Variants in USP16 observed in about 807,000 individuals in gnomAD.
USP16 encodes ubiquitin carboxyl-terminal hydrolase 16.
Under a neutral mutation model 95.9 loss-of-function variants are expected in USP16, and 77 were observed. The ratio of observed to expected loss-of-function variants is 0.80; its 90% confidence interval spans 0.67 to 0.97. The LOEUF is 0.97. Among genes scored for constraint, USP16 ranks in the 50% least tolerant of loss-of-function variants. The pLI, the probability that USP16 is intolerant of heterozygous loss-of-function variation, is 0.00. For synonymous variants in USP16, 303 were observed against 318.2 expected, an observed-to-expected ratio of 0.95 and a Z score of 0.51; for missense variants, 943 against 959.9, an observed-to-expected ratio of 0.98 and a Z score of 0.23.
At chr21:29,026,997 T>TA (rs2085002956) in intron 1 of USP16, among the ~76,000 whole-genome samples, 1 of 152,120 alleles carries the variant, frequency 6.6e-6, no homozygotes, top group South Asian at 2.1e-4. Flanking sequence ...AGTGATATGA[T>TA]AAAAATGGCA....
chr21:29,043,625 T>C lies in USP16; in HGVS notation c.1356+26T>C, dbSNP rs781140970. 96 of 1,486,530 alleles carry C rather than the reference T, an allele frequency of 6.5e-5. 5 individuals carry two copies. In the South Asian group the frequency reaches 1.4e-3, roughly 21 times the overall value. 92.1% of individuals were successfully genotyped at this position (1,486,530 alleles called of 1,614,324 possible). On this transcript the variant is annotated intron_variant, in intron 13 of 17. Transcript: ENST00000399976. ...GTGGGTAATTAGGAGGAAAATCATA[T>C]GCTTGTAATTTTATATTTTGAGCTA...
chr21:29,032,004 T>C (rs941674201), intron 3 of USP16, among the ~76,000 whole-genome samples: 1 of 152,192 alleles, frequency 6.6e-6, no homozygotes, highest in African/African-American at 2.4e-5. Context: ...TCTGTACACT[T>C]TTGTCACCTG....
At chr21:29,028,682 T>C (rs1463535755) in intron 2 of USP16, among the ~76,000 whole-genome samples, 1 of 152,178 alleles carries the variant, frequency 6.6e-6, no homozygotes, top group Non-Finnish European at 1.5e-5. Context: ...GTGATCCGCT[T>C]CCTCAGCATC....
chr21:29,037,418 A>T lies in USP16; in HGVS notation c.591A>T (p.Gly197=). The change falls in exon 6 of 18, where the codon GGA becomes GGT. Residue 197 remains glycine, a synonymous_variant. Transcript: ENST00000399976. ...MNSPCQITVK[G]LSNLGNTCFF... ...CTCCTTGCCAAATAACCGTGAAAGG[A>T]CTCAGTAATTTGGGAAACACATGTT... The T allele has an allele frequency of 6.2e-7, 1 of 1,603,082 alleles. No individual in the cohort carries two copies. Among genetic ancestry groups the T allele is most frequent in the South Asian group, 1.1e-5 (1 of 87,346 alleles).
chr21:29,025,913 C>A, intron 1 of USP16: 1 of 172,918 alleles, frequency 5.8e-6, no homozygotes, highest in Non-Finnish European at 1.1e-5. Flanking sequence ...ATTCTGCTTA[C>A]AGAAATAACA....
intron 1 of USP16, 125 bp downstream of exon 1, chr21:29,024,902 GC>G (rs1354413141): frequency 9.7e-7 from 1 of 1,030,104 alleles, no homozygotes; most frequent in African/African-American, 1.7e-5. Flanking sequence ...ACGTAACCCG[GC>G]TACTTTCCGG....
chr21:29,043,329 T>C (rs1403828298), intron 12 of USP16, 94 bp from the exon 13 acceptor site: 6 of 937,372 alleles, frequency 6.4e-6, no homozygotes, highest in Non-Finnish European at 8.6e-6. Flanking sequence ...TAATACATAA[T>C]AGAAGTAGAA....
intron 1 of USP16, among the ~76,000 whole-genome samples, chr21:29,025,459 C>A (rs1412301976): frequency 6.6e-6 from 1 of 152,210 alleles, no homozygotes; most frequent in Non-Finnish European, 1.5e-5. Context: ...TGTTTTATAG[C>A]TGATGGAAGT....
intron 15 of USP16, 133 bp from the exon 16 acceptor site, chr21:29,049,959 A>G (rs953472600): frequency 1.7e-5 from 13 of 748,396 alleles, no homozygotes; most frequent in Non-Finnish European, 4.2e-6. Flanking sequence ...GTTCAGGAAG[A>G]ATTGAGTCTC....
chr21:29,031,926 C>T (rs7279811), intron 3 of USP16, among the ~76,000 whole-genome samples: 3,165 of 152,222 alleles, frequency 0.021, 114 homozygotes, highest in African/African-American at 0.072. Context: ...ACACACCAAT[C>T]GCAATCAGAT....
intron 7 of USP16, 93 bp from the exon 8 acceptor site, chr21:29,038,933 A>G: frequency 4.7e-6 from 6 of 1,277,398 alleles, no homozygotes; most frequent in Non-Finnish European, 4.1e-6. Context: ...TTCTGTCAGG[A>G]ACATTGGTAG....
At chr21:29,032,975 G>A (rs2085099312) in intron 3 of USP16, among the ~76,000 whole-genome samples, 1 of 151,964 alleles carries the variant, frequency 6.6e-6, no homozygotes, top group African/African-American at 2.4e-5. Context: ...TAGCCATCAT[G>A]ATAGTTATAT....
At chr21:29,028,289 A>C (rs1601039113) in intron 2 of USP16, among the ~76,000 whole-genome samples, 1 of 136,730 alleles carries the variant, frequency 7.3e-6, no homozygotes, top group East Asian at 2.1e-4. Context: ...CAGCCAGCTA[A>C]TTTTTTTTTT....
At chr21:29,051,483 G>T (rs1284761616) in intron 16 of USP16, among the ~76,000 whole-genome samples, 1 of 152,194 alleles carries the variant, frequency 6.6e-6, no homozygotes, top group Non-Finnish European at 1.5e-5. Flanking sequence ...CTGAGTGGAA[G>T]AGGCAGGGGT....
chr21:29,052,995 T>C (rs1267916184), intron 16 of USP16: 1 of 152,052 alleles, frequency 6.6e-6, no homozygotes. Context: ...CAAAAAAAAT[T>C]TTATGAAGTT....
intron 3 of USP16, among the ~76,000 whole-genome samples, chr21:29,031,748 T>G (rs2085080406): frequency 6.6e-6 from 1 of 152,228 alleles, no homozygotes. Flanking sequence ...CAGGATTTTT[T>G]GTTTTTTCAC....
intron 15 of USP16, 84 bp from the exon 16 acceptor site, chr21:29,050,008 T>C (rs1459017452): frequency 8.5e-7 from 1 of 1,170,906 alleles, no homozygotes; most frequent in Non-Finnish European, 1.2e-6. Context: ...TGATATTCTT[T>C]TGGACGTCGG....
At chr21:29,047,946 G>GTATATATATATATGTGTGTGTATT (rs2085352241) in intron 14 of USP16, among the ~76,000 whole-genome samples, 1 of 149,068 alleles carries the variant, frequency 6.7e-6, no homozygotes, top group Admixed American at 6.7e-5. Context: ...GTGTGTGTAT[G>GTATATATATATATGTGTGTGTATT]TATATATATA....
intron 13 of USP16, 50 bp from the exon 14 acceptor site, chr21:29,046,617 C>T: frequency 6.6e-7 from 1 of 1,525,150 alleles, no homozygotes; most frequent in South Asian, 1.3e-5. Context: ...CTCCTTTTCT[C>T]CCGCTCTTTC....
Sources: gnomAD v4.1 joint callset for allele counts (sites outside exome capture counted in the v4.1 genomes callset) on GRCh38, gnomAD v4.1.1 for gene constraint, MANE v1.5 for transcripts, NCBI Gene and HGNC (gene_info 2026-07-23, HGNC 2026-07-21) for gene names.